STK32B: variants seen among roughly 807,000 people sequenced by gnomAD.
STK32B encodes serine/threonine kinase 32B, also known as serine/threonine-protein kinase 32B.
A neutral mutation model predicts 52.6 loss-of-function variants in STK32B; 43 were observed. The ratio of observed to expected loss-of-function variants is 0.82; its 90% CI spans 0.64 to 1.05. The LOEUF is 1.05. Among genes scored for constraint, STK32B ranks in the 50% least tolerant of loss-of-function variants. STK32B has a pLI of 0.00. For synonymous variants in STK32B, 238 were observed against 204.3 expected, an observed-to-expected ratio of 1.17 and a Z score of -1.41; for missense variants, 621 against 534.6, an observed-to-expected ratio of 1.16 and a Z score of -1.59.
the STK32B span, among the ~76,000 whole-genome samples, chr4:5,034,519 C>A: frequency 6.6e-6 from 1 of 152,192 alleles, no homozygotes; most frequent in African/African-American, 2.4e-5. Context: ...TATATAAGCA[C>A]CACACTCCTG....
At chr4:5,315,980 T>C (rs1303761294) in intron 3 of STK32B, among the ~76,000 whole-genome samples, 3 of 150,430 alleles carry the variant, frequency 2.0e-5, no homozygotes, top group Non-Finnish European at 3.0e-5. Context: ...GCTGGGAGTA[T>C]AGGTGTGAGC....
intron 6 of STK32B, among the ~76,000 whole-genome samples, chr4:5,440,512 A>G (rs570078062): frequency 2.0e-5 from 3 of 152,238 alleles, no homozygotes; most frequent in South Asian, 2.1e-4. Context: ...GGGCTGAGAC[A>G]ATGGGGTTTT....
At chr4:5,360,212 A>C (rs1214665087) in intron 4 of STK32B, among the ~76,000 whole-genome samples, 1 of 152,168 alleles carries the variant, frequency 6.6e-6, no homozygotes, top group Non-Finnish European at 1.5e-5. Flanking sequence ...TCCATTTCAA[A>C]AATTCCATTG....
chr4:5,466,655 A>G (rs765527953), intron 9 of STK32B, 48 bp from the exon 10 acceptor site: 1 of 1,559,278 alleles, frequency 6.4e-7, no homozygotes, highest in South Asian at 1.2e-5. Context: ...AAATTCAGTG[A>G]TGGGTGGAAC....
At chr4:5,458,869 C>G (rs377210834) in intron 8 of STK32B, 2 of 152,328 alleles carry the variant, frequency 1.3e-5, no homozygotes, top group African/African-American at 4.8e-5. Flanking sequence ...GCAGCCAGAT[C>G]ACTCTCGCAT....
intron 1 of STK32B, among the ~76,000 whole-genome samples, chr4:5,138,419 T>C (rs1716208943): frequency 6.6e-6 from 1 of 152,194 alleles, no homozygotes; most frequent in South Asian, 2.1e-4. Flanking sequence ...ATATCTTTTC[T>C]AGTTATTGGA....
chr4:5,102,053 G>C (rs1713814552), intron 1 of STK32B, among the ~76,000 whole-genome samples: 1 of 152,178 alleles, frequency 6.6e-6, no homozygotes, highest in Non-Finnish European at 1.5e-5. Flanking sequence ...TGGTCATGCT[G>C]TTGATGGTGG....
intron 4 of STK32B, among the ~76,000 whole-genome samples, chr4:5,343,422 T>C (rs1733234409): frequency 6.6e-6 from 1 of 152,192 alleles, no homozygotes; most frequent in African/African-American, 2.4e-5. Context: ...CGTATGCATG[T>C]GTCTTTATAG....
intron 3 of STK32B, among the ~76,000 whole-genome samples, chr4:5,248,033 A>G (rs1178645976): frequency 6.6e-6 from 1 of 152,100 alleles, no homozygotes; most frequent in African/African-American, 2.4e-5. Context: ...TCAACTCTTC[A>G]TTATTGGCAA....
At chr4:5,086,437 T>C (rs1297831322) in intron 1 of STK32B, among the ~76,000 whole-genome samples, 1 of 151,996 alleles carries the variant, frequency 6.6e-6, no homozygotes, top group Non-Finnish European at 1.5e-5. Context: ...AATAAAAGAA[T>C]GAAGAGAAAT....
At chr4:5,466,612 T>C in intron 9 of STK32B, 91 bp from the exon 10 acceptor site, 2 of 1,466,128 alleles carry the variant, frequency 1.4e-6, no homozygotes, top group East Asian at 4.7e-5. Flanking sequence ...TCATTACTTG[T>C]TGAATGAATG....
chr4:5,168,212 G>A, intron 2 of STK32B, 87 bp from the exon 3 acceptor site: 4 of 1,500,260 alleles, frequency 2.7e-6, no homozygotes, highest in Admixed American at 2.0e-5. Context: ...GAATCCAGAA[G>A]TAAAAATGCA....
intron 1 of STK32B, among the ~76,000 whole-genome samples, chr4:5,113,474 A>G (rs1338232048): frequency 1.3e-5 from 2 of 152,186 alleles, no homozygotes; most frequent in Non-Finnish European, 2.9e-5. Context: ...GACATGTAGT[A>G]TGGGTAAAGA....
At chr4:5,282,750 A>G (rs1381587704) in intron 3 of STK32B, among the ~76,000 whole-genome samples, 1 of 152,168 alleles carries the variant, frequency 6.6e-6, no homozygotes, top group East Asian at 1.9e-4. Flanking sequence ...TAGCATATAC[A>G]GCATAGATAT....
In STK32B at chr4:5,277,331, AG is replaced by A. The variant is rs200182101; in HGVS notation, c.261-53888del. ...CAAAGGACAATGGAGAAGCTATTAG[AG>A]AACAGGTCATTTCCAGAACAAGAAA... On this transcript the variant is annotated intron_variant, in intron 3 of 11. Transcript: ENST00000282908. Among the ~76,000 whole-genome samples the A allele has an allele frequency of 8.1e-3, 1,238 of 152,270 alleles. 13 individuals carry two copies. Among genetic ancestry groups the A allele is most frequent in the South Asian group, 0.043 (206 of 4,824 alleles).
At position 5,399,758 on chromosome 4, in the gene STK32B, G is replaced by A. The variant is rs368215345; in HGVS notation, c.472+1514G>A. On this transcript the variant is annotated intron_variant, in intron 5 of 11. Coordinates refer to ENST00000282908, the MANE Select transcript of STK32B (RefSeq NM_018401.3). The surrounding 1 kb of genome is among the most constrained non-coding windows in gnomAD (Gnocchi z 5.4). ...AAGTAATTGACCCACCTTGCAGGGT[G>A]GTGAATGTCTCATCTCGGGTGAGAC... is the stretch of plus-strand genomic sequence containing the variant. 1.5e-3 allele frequency among the ~76,000 whole-genome samples: 223 copies of A among 152,278 alleles called. 3 individuals are homozygous for A. Among genetic ancestry groups the A allele is most frequent in the South Asian group, 0.01 (50 of 4,824 alleles).
intron 8 of STK32B, among the ~76,000 whole-genome samples, chr4:5,457,881 C>T (rs1439787510): frequency 9.6e-6 from 1 of 103,714 alleles, no homozygotes; most frequent in African/African-American, 3.7e-5. Flanking sequence ...AGAAGCGAGG[C>T]GAGGCGGAAG....
At chr4:5,289,611 C>T (rs1398574418) in intron 3 of STK32B, among the ~76,000 whole-genome samples, 5 of 151,490 alleles carry the variant, frequency 3.3e-5, no homozygotes, top group East Asian at 1.9e-4. Flanking sequence ...CTCCACCTCC[C>T]GGGTTCACGC....
chr4:5,031,941 C>G, the STK32B span, among the ~76,000 whole-genome samples: 40 of 152,158 alleles, frequency 2.6e-4, no homozygotes, highest in African/African-American at 9.2e-4. Context: ...AGAAAATTCC[C>G]CAACTGGGAA....
Sources: gnomAD v4.1 joint callset for allele counts (sites outside exome capture counted in the v4.1 genomes callset) on GRCh38, gnomAD v4.1.1 for gene constraint, Gnocchi (gnomAD v3.1) non-coding constraint, MANE v1.5 for transcripts, NCBI Gene and HGNC (gene_info 2026-07-23, HGNC 2026-07-21) for gene names.